ZNF277: variants seen among roughly 807,000 people sequenced by gnomAD.
The protein encoded by ZNF277 is nuclear receptor-interacting factor 4.
ZNF277 carries 55 observed loss-of-function variants against 60.7 expected under a neutral mutation model. The ratio of observed to expected loss-of-function variants is 0.91; its 90% CI spans 0.73 to 1.13. The LOEUF (loss-of-function observed/expected upper bound fraction) is 1.13, where lower values mean the gene tolerates loss of function less well. Among genes scored for constraint, ZNF277 ranks in the 50% most tolerant of loss-of-function variants. The pLI is 0.00. For missense variants in ZNF277, 510 were observed against 523.0 expected (o/e 0.98, Z 0.24); for synonymous variants, 178 against 179.3 (o/e 0.99, Z 0.06).
At chr7:112,241,370 G>T (rs1439474706) in intron 1 of ZNF277, among the ~76,000 whole-genome samples, 1 of 152,122 alleles carries the variant, frequency 6.6e-6, no homozygotes, top group Non-Finnish European at 1.5e-5. Flanking sequence ...ACAAATCCTG[G>T]CAAGGATGTG....
At chr7:112,301,204 T>C (rs1792463868) in intron 4 of ZNF277, among the ~76,000 whole-genome samples, 1 of 152,060 alleles carries the variant, frequency 6.6e-6, no homozygotes, top group Non-Finnish European at 1.5e-5. Flanking sequence ...GGTCTCACTA[T>C]ATTGCCCAGG....
intron 9 of ZNF277, among the ~76,000 whole-genome samples, chr7:112,339,477 C>A (rs1793399826): frequency 6.6e-6 from 1 of 152,204 alleles, no homozygotes; most frequent in South Asian, 2.1e-4. Context: ...CACCACCACA[C>A]CCAGCCAATT....
At chr7:112,238,223 C>A (rs1587104526) in intron 1 of ZNF277, among the ~76,000 whole-genome samples, 1 of 152,206 alleles carries the variant, frequency 6.6e-6, no homozygotes, top group South Asian at 2.1e-4. Flanking sequence ...GCAGTGGCAG[C>A]TTAGCGCAGA....
chr7:112,315,157 C>A (rs1475583135), intron 4 of ZNF277, among the ~76,000 whole-genome samples: 1 of 151,944 alleles, frequency 6.6e-6, no homozygotes, highest in Non-Finnish European at 1.5e-5. Context: ...CAAACCCTAC[C>A]AGATGAAAAT....
chr7:112,207,802 A>C (rs1821594456), intron 1 of ZNF277, among the ~76,000 whole-genome samples: 1 of 152,124 alleles, frequency 6.6e-6, no homozygotes, highest in Non-Finnish European at 1.5e-5. Flanking sequence ...ATATCATCTT[A>C]AGTATTTACC....
chr7:112,321,794 G>A (rs1792988663), intron 5 of ZNF277, among the ~76,000 whole-genome samples: 3 of 151,942 alleles, frequency 2.0e-5, no homozygotes, highest in Non-Finnish European at 4.4e-5. Flanking sequence ...TCAGCACTTT[G>A]AATATGACAT....
chr7:112,294,861 T>G (rs1792289501), intron 2 of ZNF277, among the ~76,000 whole-genome samples: 1 of 152,340 alleles, frequency 6.6e-6, no homozygotes, highest in Admixed American at 6.5e-5. Flanking sequence ...TACAGGAATC[T>G]TCAAATTCTC....
intron 4 of ZNF277, among the ~76,000 whole-genome samples, chr7:112,311,124 A>G (rs1159811704): frequency 6.6e-6 from 1 of 152,080 alleles, no homozygotes; most frequent in Non-Finnish European, 1.5e-5. Context: ...TATAATTTTC[A>G]ACCTAACTCA....
At chr7:112,246,938 G>C (rs114517428) in intron 1 of ZNF277, among the ~76,000 whole-genome samples, 28 of 152,268 alleles carry the variant, frequency 1.8e-4, no homozygotes, top group African/African-American at 6.7e-4. Context: ...AAATGAGACT[G>C]CAGTCATGCC....
chr7:112,304,440 G>C (rs1469297484), intron 4 of ZNF277, among the ~76,000 whole-genome samples: 1 of 151,982 alleles, frequency 6.6e-6, no homozygotes, highest in Non-Finnish European at 1.5e-5. Context: ...TTTGACCCCT[G>C]GTGTGAGGGC....
intron 1 of ZNF277, among the ~76,000 whole-genome samples, chr7:112,253,236 AATTTTCCTGTTAG>A (rs1444847670): frequency 6.6e-6 from 1 of 152,140 alleles, no homozygotes; most frequent in Non-Finnish European, 1.5e-5. Context: ...ATAATTTAAG[AATTTTCCTGTTAG>A]ATTTTCTTCT....
intron 1 of ZNF277, among the ~76,000 whole-genome samples, chr7:112,260,269 A>C (rs1189289971): frequency 6.6e-6 from 1 of 152,214 alleles, no homozygotes; most frequent in African/African-American, 2.4e-5. Context: ...CTGTCTCAAA[A>C]AACTGCTTCT....
intron 1 of ZNF277, among the ~76,000 whole-genome samples, chr7:112,272,926 G>A (rs1791707127): frequency 6.6e-6 from 1 of 152,002 alleles, no homozygotes; most frequent in Admixed American, 6.6e-5. Flanking sequence ...TCTGTCTTTT[G>A]GGTAAAAGCC....
At position 112,308,292 on chromosome 7, in the gene ZNF277, A is replaced by G. The variant is rs139272554; in HGVS notation, c.466-9890A>G. 1.7e-3 allele frequency among the ~76,000 whole-genome samples: 252 copies of G among 152,104 alleles called. 3 individuals are homozygous for G. The highest frequency in any genetic ancestry group is 6.0e-3 in the African/African-American group (248 of 41,516). On this transcript the variant is annotated intron_variant, in intron 4 of 11. Coordinates refer to ENST00000361822, the MANE Select transcript of ZNF277 (RefSeq NM_021994.3). ...GCACTTTGGGAGGCGAGGCGGGCAG[A>G]TCACTTGAGGCCAGGAGTTCAAGAC...
At chr7:112,320,637 ATTGT>A (rs569902479) in intron 5 of ZNF277, among the ~76,000 whole-genome samples, 1 of 151,908 alleles carries the variant, frequency 6.6e-6, no homozygotes, top group Non-Finnish European at 1.5e-5. Flanking sequence ...CACACCCTTC[ATTGT>A]TTGTTTTAAC....
chr7:112,267,551 A>G (rs1400489840), intron 1 of ZNF277, among the ~76,000 whole-genome samples: 1 of 152,232 alleles, frequency 6.6e-6, no homozygotes, highest in Non-Finnish European at 1.5e-5. Context: ...GGAATACAGA[A>G]AGGACAATGC....
intron 2 of ZNF277, among the ~76,000 whole-genome samples, chr7:112,292,584 G>A (rs10953710): frequency 0.14 from 21,983 of 152,062 alleles, 1,654 homozygotes; most frequent in South Asian, 0.16. Context: ...TCCTGTCCCT[G>A]CCTTCCCTTT....
At chr7:112,337,869 G>T in intron 9 of ZNF277, 43 bp downstream of exon 9, 1 of 1,521,606 alleles carries the variant, frequency 6.6e-7, no homozygotes, top group South Asian at 1.1e-5. Context: ...TATTCTGACA[G>T]GGGAAAGCTA....
At chr7:112,258,027 G>A in intron 1 of ZNF277, among the ~76,000 whole-genome samples, 1 of 151,740 alleles carries the variant, frequency 6.6e-6, no homozygotes. Flanking sequence ...TACCCAGGCT[G>A]GCAAATTTTT....
Sources: allele counts gnomAD v4.1 joint callset (sites outside exome capture counted in the v4.1 genomes callset), GRCh38; gene constraint gnomAD v4.1.1; transcripts MANE v1.5; gene names NCBI Gene and HGNC (gene_info 2026-07-23, HGNC 2026-07-21).